The following MKKS variants were observed in gnomAD, a reference collection of about 807,000 sequenced individuals.
MKKS encodes molecular chaperone MKKS.
Under a neutral mutation model 33.2 loss-of-function variants are expected in MKKS, and 29 were observed. The observed-to-expected ratio is 0.87, with a 90% CI of 0.65 to 1.19. The LOEUF (loss-of-function observed/expected upper bound fraction) is 1.19, where lower values mean the gene tolerates loss of function less well. Among genes scored for constraint, MKKS ranks in the 50% most tolerant of loss-of-function variants. The pLI is 0.00. For synonymous variants in MKKS, 260 were observed against 244.0 expected (o/e 1.07, Z -0.61); for missense variants, 661 against 662.3 (o/e 1.00, Z 0.02).
chr20:10,431,337 T>G (rs1006759971), intron 1 of MKKS, among the ~76,000 whole-genome samples: 6 of 146,958 alleles, frequency 4.1e-5, no homozygotes, highest in African/African-American at 1.4e-4. Flanking sequence ...AATTTTCACT[T>G]CAAATATGTA....
At chr20:10,408,243 C>T (rs1014101045) in intron 4 of MKKS, among the ~76,000 whole-genome samples, 1 of 151,364 alleles carries the variant, frequency 6.6e-6, no homozygotes, top group African/African-American at 2.4e-5. Flanking sequence ...ATAAAAGTTG[C>T]ATGTATTATT....
chr20:10,432,914 G>C (rs1193495955), intron 1 of MKKS, among the ~76,000 whole-genome samples: 5 of 151,742 alleles, frequency 3.3e-5, no homozygotes, highest in African/African-American at 1.2e-4. Flanking sequence ...TGCTATGTAA[G>C]TAGTTGTTAC....
chr20:10,417,268 A>G (rs952517894), intron 2 of MKKS, among the ~76,000 whole-genome samples: 5 of 151,598 alleles, frequency 3.3e-5, no homozygotes, highest in Non-Finnish European at 7.4e-5. Flanking sequence ...AAAAAAAATC[A>G]AAGGGGAACT....
At chr20:10,419,208 T>A (rs1230166177) in intron 2 of MKKS, among the ~76,000 whole-genome samples, 1 of 152,114 alleles carries the variant, frequency 6.6e-6, no homozygotes, top group Non-Finnish European at 1.5e-5. Flanking sequence ...TTAGAGCATA[T>A]TATTCACCTC....
chr20:10,422,276 G>C (rs2064985842), intron 1 of MKKS, among the ~76,000 whole-genome samples: 1 of 151,996 alleles, frequency 6.6e-6, no homozygotes, highest in African/African-American at 2.4e-5. Flanking sequence ...GTAAATGAAA[G>C]TATTTTATGG....
At chr20:10,423,006 C>A (rs1024624132) in intron 1 of MKKS, among the ~76,000 whole-genome samples, 1 of 152,076 alleles carries the variant, frequency 6.6e-6, no homozygotes, top group Admixed American at 6.6e-5. Context: ...CCACTGCGCC[C>A]GGCCCTTCAA....
chr20:10,408,804 CTATTTTT>C lies in MKKS; in HGVS notation c.986-8_986-2del. The stretch of plus-strand genomic sequence containing the variant: ...CCTAGGGATCCAATAGGCTGTGTTC[CTATTTTT>C]TAAAGATTAGAAAATACAAGTTGTA... On this transcript the variant is annotated splice_acceptor_variant and splice_polypyrimidine_tract_variant and intron_variant, in intron 3 of 5. Coordinates refer to ENST00000347364, the MANE Select transcript of MKKS (RefSeq NM_170784.3). LOFTEE classifies it high-confidence loss of function. The C allele has an allele frequency of 6.2e-7, 1 of 1,609,330 alleles. No homozygotes were observed. The highest frequency in any genetic ancestry group is 8.5e-7 in the Non-Finnish European group (1 of 1,176,660).
chr20:10,420,908 A>C (rs1337058032), intron 1 of MKKS, 150 bp from the exon 2 acceptor site: 1 of 152,224 alleles, frequency 6.6e-6, no homozygotes, highest in Admixed American at 6.5e-5. Flanking sequence ...CAATGTTAAT[A>C]AACAAAAAGA....
intron 1 of MKKS, among the ~76,000 whole-genome samples, chr20:10,429,690 T>A (rs1207286995): frequency 2.0e-5 from 3 of 152,194 alleles, no homozygotes; most frequent in Non-Finnish European, 2.9e-5. Context: ...ACTCAGCACA[T>A]CCTGCCATTT....
intron 4 of MKKS, 76 bp from the exon 5 acceptor site, chr20:10,407,802 T>C (rs1259600879): frequency 5.6e-6 from 6 of 1,065,670 alleles, no homozygotes; most frequent in Admixed American, 2.0e-5. Flanking sequence ...TCTCAAAGCA[T>C]CATAGTGAAT....
chr20:10,410,323 C>G (rs1188178658), intron 3 of MKKS, among the ~76,000 whole-genome samples: 1 of 151,956 alleles, frequency 6.6e-6, no homozygotes, highest in Non-Finnish European at 1.5e-5. Context: ...ATAAATCAAA[C>G]CAAGTCAAAT....
rs2064821729 is a variant in MKKS, at chr20:10,403,479, C to CA, written c.*1767dup. The CA allele has an allele frequency of 6.6e-6, 1 of 152,120 alleles. No individual in the cohort carries two copies. The highest frequency in any genetic ancestry group is 2.1e-4 in the South Asian group (1 of 4,830). 9.4% of individuals were successfully genotyped at this position (152,120 alleles called of 1,614,324 possible). ...CAGAATCTCATAATTGGAATCAAGTCAGGGTGATATCATAACTGGAATCAC... is the reference window on the plus strand; with the variant it reads ...CAGAATCTCATAATTGGAATCAAGTCAAGGGTGATATCATAACTGGAATCAC... On this transcript the variant is annotated 3_prime_UTR_variant, in exon 6 of 6. Coordinates refer to ENST00000347364, the MANE Select transcript of MKKS (RefSeq NM_170784.3).
Position 10,401,237 on chromosome 20 carries a change from A to C in MKKS, c.*4010T>G, listed in dbSNP as rs955119485. 2 of 152,206 alleles carry C rather than the reference A, an allele frequency of 1.3e-5. No individual in the cohort carries two copies. The highest frequency in any genetic ancestry group is 2.9e-5 in the Non-Finnish European group (2 of 68,030). The allele number at this position is 152,206 out of a possible 1,614,324, so 9.4% of individuals were successfully genotyped here. Reference sequence around the variant, plus strand: ...CATTCTCTTTCATGAATATTACTATATTCTTAGTAAAGCAGCATATAAATC... The same window carrying C: ...CATTCTCTTTCATGAATATTACTATCTTCTTAGTAAAGCAGCATATAAATC... On this transcript the variant is annotated 3_prime_UTR_variant, in exon 6 of 6. Transcript: ENST00000347364.
At chr20:10,411,535 T>C (rs1315947378) in intron 3 of MKKS, among the ~76,000 whole-genome samples, 1 of 152,060 alleles carries the variant, frequency 6.6e-6, no homozygotes, top group Non-Finnish European at 1.5e-5. Flanking sequence ...CAACAACGAG[T>C]TCCAAGGAAT....
At chr20:10,427,516 T>G (rs1435847483) in intron 1 of MKKS, among the ~76,000 whole-genome samples, 1 of 152,230 alleles carries the variant, frequency 6.6e-6, no homozygotes, top group East Asian at 1.9e-4. Context: ...AATGACAATG[T>G]TGGCTTTAGG....
In MKKS at chr20:10,405,125, T is replaced by C. The variant is rs1432248082; in HGVS notation, c.*122A>G. On this transcript the variant is annotated 3_prime_UTR_variant, in exon 6 of 6. Transcript: ENST00000347364. The stretch of plus-strand genomic sequence containing the variant: ...CTAAATAAGTGTATCTATAATTTTA[T>C]GAGTCATTTGTCCAAATATGTAGAA... The C allele has an allele frequency of 1.4e-6, 1 of 724,110 alleles. No homozygotes were observed. 44.9% of individuals were successfully genotyped at this position (724,110 alleles called of 1,614,324 possible).
Position 10,402,353 on chromosome 20 carries a change from G to A in MKKS, c.*2894C>T, listed in dbSNP as rs1158539461. 2.6e-5 allele frequency: 4 copies of A among 152,052 alleles called. No homozygotes were observed. Among genetic ancestry groups the A allele is most frequent in the Non-Finnish European group, 5.9e-5 (4 of 68,020 alleles). The allele number at this position is 152,052 out of a possible 1,614,324, so 9.4% of individuals were successfully genotyped here. On this transcript the variant is annotated 3_prime_UTR_variant, in exon 6 of 6. Transcript: ENST00000347364. The stretch of plus-strand genomic sequence containing the variant: ...TTTTCATCAAGAATTTTCATTTCAT[G>A]TTTTATCATCTAAGTTTGAACGCTA...
chr20:10,405,166 A>C lies in MKKS; in HGVS notation c.*81T>G. 1 of 1,181,732 alleles carries C rather than the reference A, an allele frequency of 8.5e-7. No homozygotes were observed. The highest frequency in any genetic ancestry group is 1.2e-6 in the Non-Finnish European group (1 of 843,984). 73.2% of individuals were successfully genotyped at this position (1,181,732 alleles called of 1,614,324 possible). A position where few individuals can be genotyped will look rare whatever the true frequency, so the allele number is the denominator to read the frequency against. On this transcript the variant is annotated 3_prime_UTR_variant, in exon 6 of 6. Transcript: ENST00000347364. ...ATATGTAGAACAGGGCTTTGGGAGAAAACAAATACACTCACAATTTTTCTC... is the reference window on the plus strand; with the variant it reads ...ATATGTAGAACAGGGCTTTGGGAGACAACAAATACACTCACAATTTTTCTC...
At chr20:10,417,395 G>T (rs1472741622) in intron 2 of MKKS, among the ~76,000 whole-genome samples, 1 of 152,192 alleles carries the variant, frequency 6.6e-6, no homozygotes, top group African/African-American at 2.4e-5. Flanking sequence ...AGGATTGCTT[G>T]AGGCCAGAAA....
Sources: allele counts gnomAD v4.1 joint callset (sites outside exome capture counted in the v4.1 genomes callset), GRCh38; gene constraint gnomAD v4.1.1; transcripts MANE v1.5; gene names NCBI Gene and HGNC (gene_info 2026-07-23, HGNC 2026-07-21).